The following CERS6 variants were observed in gnomAD, a reference collection of about 807,000 sequenced individuals.
The protein encoded by CERS6 is ceramide synthase 6.
A neutral mutation model predicts 56.8 loss-of-function variants in CERS6; 26 were observed. That is an observed-to-expected ratio of 0.46 (90% CI 0.34 to 0.63). The LOEUF is 0.63. Among genes scored for constraint, CERS6 ranks in the 30% least tolerant of loss-of-function variants. CERS6 has a pLI of 0.01. For missense variants in CERS6, 415 were observed against 467.5 expected (o/e 0.89, Z 1.04); for synonymous variants, 164 against 173.3 (o/e 0.95, Z 0.42).
intron 3 of CERS6, among the ~76,000 whole-genome samples, chr2:168,626,511 A>G (rs932085019): frequency 2.0e-5 from 3 of 152,186 alleles, no homozygotes; most frequent in African/African-American, 7.2e-5. Context: ...CTTGTTGTGT[A>G]AGGACAATAA....
At chr2:168,693,356 AATT>A (rs1482537076) in intron 5 of CERS6, among the ~76,000 whole-genome samples, 1 of 152,262 alleles carries the variant, frequency 6.6e-6, no homozygotes, top group Middle Eastern at 3.4e-3. Flanking sequence ...CGGACATAGT[AATT>A]ATTATAATGG....
chr2:168,618,049 T>C (rs1684361593), intron 3 of CERS6, among the ~76,000 whole-genome samples: 1 of 152,186 alleles, frequency 6.6e-6, no homozygotes, highest in African/African-American at 2.4e-5. Context: ...CAAGTGAGTT[T>C]CATACCAGGG....
intron 4 of CERS6, among the ~76,000 whole-genome samples, chr2:168,660,906 T>C (rs1220242437): frequency 1.3e-5 from 2 of 152,194 alleles, no homozygotes; most frequent in Admixed American, 1.3e-4. Flanking sequence ...TTGGATGCAT[T>C]GAAATGTGAT....
At chr2:168,741,187 T>G (rs1683889549) in intron 8 of CERS6, among the ~76,000 whole-genome samples, 1 of 152,164 alleles carries the variant, frequency 6.6e-6, no homozygotes, top group Non-Finnish European at 1.5e-5. Context: ...AACCTCTTAC[T>G]GAGCTGCAAA....
chr2:168,568,875 G>C (rs1188480689), intron 3 of CERS6, among the ~76,000 whole-genome samples: 1 of 152,194 alleles, frequency 6.6e-6, no homozygotes, highest in Non-Finnish European at 1.5e-5. Flanking sequence ...ATGGGTTAGG[G>C]ACACAACACT....
At chr2:168,600,074 C>T (rs1329943565) in intron 3 of CERS6, among the ~76,000 whole-genome samples, 1 of 152,086 alleles carries the variant, frequency 6.6e-6, no homozygotes, top group East Asian at 1.9e-4. Context: ...TCTAATATAT[C>T]CTGGTTTCCC....
chr2:168,624,160 T>C lies in CERS6; in HGVS notation c.408-6825T>C, dbSNP rs73969285. The stretch of plus-strand genomic sequence containing the variant: ...ATACATTCATGACACCAGCTCTGAA[T>C]AGGATTTTAGCTAAGTCATTTCACA... On this transcript the variant is annotated intron_variant, in intron 3 of 9. Transcript: ENST00000305747. Among the ~76,000 whole-genome samples the C allele has an allele frequency of 7.0e-3, 1,067 of 152,246 alleles. 12 individuals are homozygous for C. Among genetic ancestry groups the C allele is most frequent in the African/African-American group, 0.024 (1,010 of 41,562 alleles).
intron 4 of CERS6, among the ~76,000 whole-genome samples, chr2:168,660,963 T>C (rs997003562): frequency 6.6e-6 from 1 of 151,974 alleles, no homozygotes; most frequent in Admixed American, 6.6e-5. Context: ...CTGGTTTTAA[T>C]GTAACAGAAC....
intron 4 of CERS6, among the ~76,000 whole-genome samples, chr2:168,636,825 TTCTA>T (rs1353361422): frequency 6.6e-6 from 1 of 152,158 alleles, no homozygotes; most frequent in Non-Finnish European, 1.5e-5. Context: ...GTGGCTGGCA[TTCTA>T]TCTGAGAGGG....
intron 3 of CERS6, among the ~76,000 whole-genome samples, chr2:168,587,729 ATAT>A (rs1470749857): frequency 6.6e-6 from 1 of 151,620 alleles, no homozygotes; most frequent in Non-Finnish European, 1.5e-5. Context: ...TACAATTAAC[ATAT>A]TAATATATAA....
chr2:168,760,917 G>A (rs1242144667), intron 8 of CERS6, among the ~76,000 whole-genome samples: 1 of 152,038 alleles, frequency 6.6e-6, no homozygotes, highest in African/African-American at 2.4e-5. Flanking sequence ...CACCACGCCC[G>A]GCTAATTTTT....
chr2:168,748,119 C>T (rs1440594548), intron 8 of CERS6, among the ~76,000 whole-genome samples: 1 of 152,192 alleles, frequency 6.6e-6, no homozygotes, highest in African/African-American at 2.4e-5. Context: ...TGCCACCTAA[C>T]CTTCTGACAA....
rs144504051 is a variant in CERS6, at chr2:168,545,724, A to G, written c.171-1872A>G. Among the ~76,000 whole-genome samples, 576 of 152,360 alleles carry G rather than the reference A, an allele frequency of 3.8e-3. 3 individuals are homozygous for G. The highest frequency in any genetic ancestry group is 0.014 in the African/African-American group (562 of 41,582). The stretch of plus-strand genomic sequence containing the variant: ...TAAATGTCTTGACCCCCTCCTGTGT[A>G]TGCACAGGCATTGTCACAGGGCATA... On this transcript the variant is annotated intron_variant, in intron 1 of 9. Coordinates refer to ENST00000305747, the MANE Select transcript of CERS6 (RefSeq NM_203463.3).
At chr2:168,654,660 C>T (rs930650998) in intron 4 of CERS6, among the ~76,000 whole-genome samples, 1 of 152,224 alleles carries the variant, frequency 6.6e-6, no homozygotes, top group African/African-American at 2.4e-5. Context: ...CACACCAGTG[C>T]AAAACCTGCT....
Position 168,715,141 on chromosome 2 carries a change from C to A in CERS6, c.738+12C>A. 6.2e-7 allele frequency: 1 copy of A among 1,601,682 alleles called. No individual in the cohort carries two copies. The highest frequency in any genetic ancestry group is 1.1e-5 in the South Asian group (1 of 88,396). ...ATGCTCTTCTGGAGGTAAAAGTTTT[C>A]TTTCATCTTTAAGAATACAAAATCC... On this transcript the variant is annotated intron_variant, in intron 7 of 9. Transcript: ENST00000305747.
At chr2:168,467,350 G>A (rs1413874755) in intron 1 of CERS6, among the ~76,000 whole-genome samples, 2 of 152,204 alleles carry the variant, frequency 1.3e-5, no homozygotes, top group African/African-American at 2.4e-5. Flanking sequence ...GCACACAATA[G>A]CTTGAGTGAA....
chr2:168,616,240 T>C (rs1323958192), intron 3 of CERS6, among the ~76,000 whole-genome samples: 1 of 152,052 alleles, frequency 6.6e-6, no homozygotes, highest in Non-Finnish European at 1.5e-5. Flanking sequence ...TTGAAACAAA[T>C]TCTGGAAACA....
intron 4 of CERS6, among the ~76,000 whole-genome samples, chr2:168,644,792 C>T (rs114688669): frequency 0.03 from 4,582 of 151,890 alleles, 239 homozygotes; most frequent in African/African-American, 0.1. Flanking sequence ...ATGTTCTCAA[C>T]GTATTAAAAG....
chr2:168,533,459 T>A (rs949523349), intron 1 of CERS6, among the ~76,000 whole-genome samples: 6 of 152,228 alleles, frequency 3.9e-5, no homozygotes, highest in Non-Finnish European at 8.8e-5. Flanking sequence ...CTAATTGCCA[T>A]GGCCAGAACT....
Sources: gnomAD v4.1 joint callset for allele counts (sites outside exome capture counted in the v4.1 genomes callset) on GRCh38, gnomAD v4.1.1 for gene constraint, MANE v1.5 for transcripts, NCBI Gene and HGNC (gene_info 2026-07-23, HGNC 2026-07-21) for gene names.